ATG7: variants seen among roughly 807,000 people sequenced by gnomAD.
The protein encoded by ATG7 is ubiquitin-like modifier-activating enzyme ATG7.
In ATG7, 70 loss-of-function variants were observed where a neutral mutation model predicts 82.4. The ratio of observed to expected loss-of-function variants is 0.85; its 90% CI spans 0.70 to 1.04. The LOEUF (loss-of-function observed/expected upper bound fraction) is 1.04, where lower values mean the gene tolerates loss of function less well. Among genes scored for constraint, ATG7 ranks in the 50% least tolerant of loss-of-function variants. The pLI is 0.00. For synonymous variants in ATG7, 287 were observed against 313.0 expected (o/e 0.92, Z 0.88); for missense variants, 792 against 864.3 (o/e 0.92, Z 1.05).
chr3:11,459,844 G>A (rs1464755854), intron 20 of ATG7, among the ~76,000 whole-genome samples: 1 of 152,168 alleles, frequency 6.6e-6, no homozygotes, highest in Non-Finnish European at 1.5e-5. Context: ...GCCAGGCCAC[G>A]TATAGTAACA....
chr3:11,497,658 G>T (rs2090961405), intron 20 of ATG7, among the ~76,000 whole-genome samples: 1 of 150,608 alleles, frequency 6.6e-6, no homozygotes, highest in African/African-American at 2.4e-5. Flanking sequence ...CTAGTCCCTC[G>T]AGATACAAAG....
At chr3:11,527,071 G>GTGTGTATATA in intron 20 of ATG7, among the ~76,000 whole-genome samples, 1 of 127,424 alleles carries the variant, frequency 7.8e-6, no homozygotes, top group Admixed American at 8.0e-5. Flanking sequence ...GTGTGTGTGT[G>GTGTGTATATA]TATATATATA....
intron 20 of ATG7, among the ~76,000 whole-genome samples, chr3:11,447,327 T>G (rs1186564941): frequency 2.0e-5 from 3 of 151,886 alleles, no homozygotes; most frequent in Non-Finnish European, 4.4e-5. Context: ...ATTAGCCTGG[T>G]GTGGTGGCAG....
chr3:11,285,644 C>T (rs1943873121), intron 3 of ATG7, among the ~76,000 whole-genome samples: 1 of 152,092 alleles, frequency 6.6e-6, no homozygotes, highest in Non-Finnish European at 1.5e-5. Flanking sequence ...TCAGTAGCTC[C>T]ACCTCACCCT....
At chr3:11,525,231 A>G (rs1428919451) in intron 20 of ATG7, among the ~76,000 whole-genome samples, 1 of 151,216 alleles carries the variant, frequency 6.6e-6, no homozygotes, top group African/African-American at 2.5e-5. Flanking sequence ...TGGTTTTGCC[A>G]TGTTGGCCAG....
At chr3:11,421,788 A>G (rs1213726423) in intron 19 of ATG7, among the ~76,000 whole-genome samples, 2 of 152,262 alleles carry the variant, frequency 1.3e-5, no homozygotes, top group Non-Finnish European at 2.9e-5. Flanking sequence ...TTTTTAAATA[A>G]TAAGACTTGG....
At chr3:11,532,381 A>G (rs1264870377) in intron 20 of ATG7, among the ~76,000 whole-genome samples, 2 of 152,166 alleles carry the variant, frequency 1.3e-5, no homozygotes, top group Non-Finnish European at 2.9e-5. Flanking sequence ...GAGTCTGGAA[A>G]GAGGAGGTGG....
chr3:11,562,371 A>T (rs965259677), downstream of ATG7, among the ~76,000 whole-genome samples: 1 of 151,966 alleles, frequency 6.6e-6, no homozygotes, highest in Non-Finnish European at 1.5e-5. Flanking sequence ...GTTCCCAGAG[A>T]TCTGAGACAC....
intron 9 of ATG7, among the ~76,000 whole-genome samples, chr3:11,322,424 A>G (rs1387131903): frequency 6.6e-6 from 1 of 152,230 alleles, no homozygotes; most frequent in Non-Finnish European, 1.5e-5. Flanking sequence ...GGTTCCATTC[A>G]TTAGTTTTAC....
rs141423964 is a variant in ATG7 at position 11,374,840 on chromosome 3, C to T, written c.1876-5132C>T. Among the ~76,000 whole-genome samples the T allele has an allele frequency of 1.4e-3, 192 of 135,902 alleles. 3 individuals carry two copies. The East Asian group carries it at 0.037, about 26-fold the overall frequency. The allele number at this position is 135,902 out of a possible 152,430, so 89.2% of individuals were successfully genotyped here. A position where few individuals can be genotyped will look rare whatever the true frequency, so the allele number is the denominator to read the frequency against. On this transcript the variant is annotated intron_variant, in intron 18 of 20. Coordinates refer to ENST00000693202, the MANE Select transcript of ATG7 (RefSeq NM_001349232.2). ...AAGGGTGTGAACCCAGGAGGCGGAG[C>T]TTGCAGTGAGCTGAAATCGCTCCAC...
At chr3:11,398,269 C>T (rs2079497345) in intron 19 of ATG7, among the ~76,000 whole-genome samples, 1 of 151,954 alleles carries the variant, frequency 6.6e-6, no homozygotes, top group African/African-American at 2.4e-5. Context: ...AAAAGAAATA[C>T]ATATTCTTTT....
At chr3:11,324,189 G>A (rs1474819384) in intron 9 of ATG7, among the ~76,000 whole-genome samples, 2 of 152,128 alleles carry the variant, frequency 1.3e-5, no homozygotes, top group South Asian at 2.1e-4. Flanking sequence ...GCCCAAGTTC[G>A]CACAATTAAT....
At chr3:11,333,727 T>A (rs1488381068) in intron 11 of ATG7, among the ~76,000 whole-genome samples, 1 of 151,580 alleles carries the variant, frequency 6.6e-6, no homozygotes, top group African/African-American at 2.4e-5. Flanking sequence ...AAGGATATAA[T>A]GCCCAGCTCC....
intron 20 of ATG7, among the ~76,000 whole-genome samples, chr3:11,533,418 A>G (rs1444488888): frequency 6.6e-6 from 1 of 152,134 alleles, no homozygotes; most frequent in Non-Finnish European, 1.5e-5. Flanking sequence ...TGTAATTTTA[A>G]GGAGCAGGCC....
chr3:11,558,518 C>T, downstream of ATG7: 1 of 1,364,608 alleles, frequency 7.3e-7, no homozygotes, highest in Admixed American at 1.9e-5. Flanking sequence ...CTCAGGCAAA[C>T]CATGCAGATC....
At chr3:11,529,136 C>T (rs1287560159) in intron 20 of ATG7, among the ~76,000 whole-genome samples, 11 of 151,868 alleles carry the variant, frequency 7.2e-5, no homozygotes, top group East Asian at 1.9e-4. Flanking sequence ...GGGAGGGGGA[C>T]GGGGCAAGGA....
chr3:11,306,106 C>G (rs1449348726), intron 5 of ATG7, among the ~76,000 whole-genome samples: 1 of 151,248 alleles, frequency 6.6e-6, no homozygotes, highest in Non-Finnish European at 1.5e-5. Flanking sequence ...CCTGACTTTG[C>G]TTACTCTGAG....
intron 14 of ATG7, chr3:11,348,701 G>C (rs1281212901): frequency 6.6e-6 from 1 of 152,286 alleles, no homozygotes; most frequent in Non-Finnish European, 1.5e-5. Context: ...GGTTGCTGCT[G>C]CTGGCTGGGG....
At chr3:11,499,624 G>A (rs1482681424) in intron 20 of ATG7, among the ~76,000 whole-genome samples, 2 of 151,964 alleles carry the variant, frequency 1.3e-5, no homozygotes, top group East Asian at 3.9e-4. Context: ...GTGCACACCT[G>A]TAGTCCCACC....
Sources: gnomAD v4.1 joint callset for allele counts (sites outside exome capture counted in the v4.1 genomes callset) on GRCh38, gnomAD v4.1.1 for gene constraint, MANE v1.5 for transcripts, NCBI Gene and HGNC (gene_info 2026-07-23, HGNC 2026-07-21) for gene names.